The following FILIP1 variants were observed in gnomAD, a reference collection of about 807,000 sequenced individuals.
FILIP1 encodes the protein filamin A interacting protein 1, also known as filamin-A-interacting protein 1.
In FILIP1, 61 loss-of-function variants were observed where a neutral mutation model predicts 102.1. That is an observed-to-expected ratio of 0.60 (90% CI 0.49 to 0.74). The LOEUF (loss-of-function observed/expected upper bound fraction) is 0.74. Among genes scored for constraint, FILIP1 ranks in the 30% least tolerant of loss-of-function variants. FILIP1 has a pLI of 0.00. For missense variants in FILIP1, 1,314 were observed against 1,441.2 expected (o/e 0.91, Z 1.43); for synonymous variants, 491 against 526.9 (o/e 0.93, Z 0.93).
intron 4 of FILIP1, among the ~76,000 whole-genome samples, chr6:75,337,401 T>C (rs1264028700): frequency 9.9e-5 from 15 of 152,140 alleles, no homozygotes; most frequent in East Asian, 1.9e-4. Flanking sequence ...CTTTTTCAAA[T>C]TGATAAGGAA....
In FILIP1 at chr6:75,312,799, C is replaced by T. The variant is rs781567238; in HGVS notation, c.3033G>A (p.Thr1011=). ...CAGCTGGTGCTGCTGATGTAGACAC[C>T]GTCATTATCTGAATAGGGGATGTGG... ...DRPTSPIQIM[T]VSTSAAPAEI... Residue 1011 remains threonine, a synonymous_variant, in exon 5 of 6, where the codon ACG becomes ACA. Transcript: ENST00000237172. 37 of 1,614,014 alleles carry T rather than the reference C, an allele frequency of 2.3e-5. No homozygotes were observed. In the South Asian group the frequency reaches 3.2e-4, roughly 14 times the overall value.
exon 7 of FILIP1, chr6:75,293,807 T>C (rs1772600175): frequency 6.6e-6 from 1 of 152,156 alleles, no homozygotes; most frequent in Admixed American, 6.5e-5. Context: ...CCATCAGAGG[T>C]ACAAACATTG....
chr6:75,313,400 C>G lies in FILIP1; in HGVS notation c.2432G>C (p.Ser811Thr). 1 of 1,614,204 alleles carries G rather than the reference C, an allele frequency of 6.2e-7. No individual in the cohort carries two copies. Among genetic ancestry groups the G allele is most frequent in the Non-Finnish European group, 8.5e-7 (1 of 1,180,040 alleles). ...CGTTTCTTCCTCTGCTGCTTCACCG[C>G]TGACTGCATCAGTTTGGACTCCAGT... ...TSTGVQTDAV[S>T]GEAAEEETPA... The change falls in exon 5 of 6, where the codon AGC (serine) becomes ACC (threonine). Residue 811 changes from serine (S) to threonine (T), a missense_variant. By Grantham distance (58) the Ser-to-Thr change is moderately conservative. Coordinates refer to ENST00000237172, the MANE Select transcript of FILIP1 (RefSeq NM_015687.5). The surrounding 1 kb of genome is among the most constrained non-coding windows in gnomAD (Gnocchi z 4.2).
chr6:75,326,939 G>A (rs1180092763), intron 4 of FILIP1, among the ~76,000 whole-genome samples: 1 of 152,198 alleles, frequency 6.6e-6, no homozygotes, highest in Non-Finnish European at 1.5e-5. Context: ...TCAATGGCAA[G>A]ATGACCCCAA....
intron 4 of FILIP1, among the ~76,000 whole-genome samples, chr6:75,350,336 T>C (rs1774750990): frequency 6.6e-6 from 1 of 152,134 alleles, no homozygotes; most frequent in South Asian, 2.1e-4. Flanking sequence ...CGTGAAAGTT[T>C]GGTGACATAT....
rs577822147 is a variant in FILIP1, at chr6:75,478,615, G to C, written c.-7+14799C>G. Among the ~76,000 whole-genome samples, 3 of 152,238 alleles carry C rather than the reference G, an allele frequency of 2.0e-5. No individual in the cohort carries two copies. The South Asian group carries it at 6.2e-4, about 32-fold the overall frequency. On this transcript the variant is annotated intron_variant, in intron 1 of 5. Coordinates refer to ENST00000237172, the MANE Select transcript of FILIP1 (RefSeq NM_015687.5). ...TACAACAGGTATCTTGGGAAATAAC[G>C]CAAGACAGGTGGTGTTCTGGATTCT...
At chr6:75,315,577 T>C (rs986790824) in intron 4 of FILIP1, among the ~76,000 whole-genome samples, 16 of 152,262 alleles carry the variant, frequency 1.1e-4, no homozygotes, top group African/African-American at 2.4e-5. Context: ...GGTTGTGCAA[T>C]AATAATGACT....
At chr6:75,376,241 G>A (rs1280632168) in intron 2 of FILIP1, among the ~76,000 whole-genome samples, 3 of 152,134 alleles carry the variant, frequency 2.0e-5, no homozygotes, top group Non-Finnish European at 4.4e-5. Flanking sequence ...CTACTCAAGA[G>A]ATGCAATGTG....
rs747420209 is a variant in FILIP1, at chr6:75,312,517, G to A, written c.3315C>T (p.Thr1105=). ...TCCTGGGAGAGCGAAGGACAGTGCC[G>A]GTGGAAACCTCCTTTTCGGCTGTCA... ...VNVTAEKEVS[T]GTVLRSPRNH... Residue 1105 remains threonine, a synonymous_variant, in exon 5 of 6, where the codon ACC becomes ACT. Coordinates refer to ENST00000237172, the MANE Select transcript of FILIP1 (RefSeq NM_015687.5). 54 of 1,614,042 alleles carry A rather than the reference G, an allele frequency of 3.3e-5. 1 individual carries two copies. In the Middle Eastern group the frequency reaches 6.6e-4, roughly 20 times the overall value.
chr6:75,472,919 T>C (rs766220709), intron 1 of FILIP1, among the ~76,000 whole-genome samples: 4 of 152,200 alleles, frequency 2.6e-5, no homozygotes, highest in African/African-American at 7.2e-5. Context: ...CTCATAAAGA[T>C]TGAAAGAAAC....
At chr6:75,440,945 CAA>C (rs200327100) in intron 1 of FILIP1, among the ~76,000 whole-genome samples, 5 of 60,702 alleles carry the variant, frequency 8.2e-5, no homozygotes, top group Non-Finnish European at 1.4e-4. Flanking sequence ...AGCGACGTCT[CAA>C]AAAAAAAAAA....
At chr6:75,304,336 C>T (rs566068173), downstream of FILIP1, among the ~76,000 whole-genome samples, 7 of 152,214 alleles carry the variant, frequency 4.6e-5, no homozygotes, top group African/African-American at 1.4e-4. Context: ...CTCAGCTTCC[C>T]GAGTAGCTGG....
intron 1 of FILIP1, among the ~76,000 whole-genome samples, chr6:75,472,686 C>A (rs1779366876): frequency 6.6e-6 from 1 of 152,026 alleles, no homozygotes; most frequent in Non-Finnish European, 1.5e-5. Flanking sequence ...ACTAATTTTT[C>A]TTTTTCTATT....
At chr6:75,462,571 C>T (rs1305621183) in intron 1 of FILIP1, among the ~76,000 whole-genome samples, 1 of 152,054 alleles carries the variant, frequency 6.6e-6, no homozygotes, top group Non-Finnish European at 1.5e-5. Flanking sequence ...AATTAAATCT[C>T]ATATATGTGT....
intron 4 of FILIP1, among the ~76,000 whole-genome samples, chr6:75,342,592 G>T (rs1774450342): frequency 1.3e-5 from 2 of 152,196 alleles, no homozygotes; most frequent in South Asian, 4.1e-4. Context: ...TCATTCTAGG[G>T]CTTCAAGCCC....
chr6:75,427,066 C>A (rs1582487750), intron 1 of FILIP1, among the ~76,000 whole-genome samples: 1 of 152,084 alleles, frequency 6.6e-6, no homozygotes, highest in East Asian at 1.9e-4. Flanking sequence ...TGTGTGATAC[C>A]CCAAGATATA....
chr6:75,322,393 T>C (rs145223532), intron 4 of FILIP1, among the ~76,000 whole-genome samples: 33 of 152,290 alleles, frequency 2.2e-4, no homozygotes, highest in African/African-American at 7.5e-4. Context: ...TCTTCTCCGC[T>C]CACCTTCCCA....
At chr6:75,385,925 G>A (rs967953401) in intron 2 of FILIP1, among the ~76,000 whole-genome samples, 13 of 151,316 alleles carry the variant, frequency 8.6e-5, no homozygotes, top group Admixed American at 2.6e-4. Context: ...AATCTTTGCC[G>A]TACTAGCTTG....
chr6:75,314,123 CTT>C lies in FILIP1; in HGVS notation c.1707_1708del (p.Glu571LysfsTer3). ...TTTGCCTATCAACTCATCTCTTTCT[CTT>C]GTCAAGTTGTATACTTTTTCCTCCA... On this transcript the variant is annotated frameshift_variant, in exon 5 of 6. Transcript: ENST00000237172. LOFTEE classifies it high-confidence loss of function. 1.3e-6 allele frequency: 2 copies of C among 1,513,260 alleles called. No homozygotes were observed. The allele number at this position is 1,513,260 out of a possible 1,614,324, so 93.7% of individuals were successfully genotyped here.
Sources: gnomAD v4.1 joint callset for allele counts (sites outside exome capture counted in the v4.1 genomes callset) on GRCh38, gnomAD v4.1.1 for gene constraint, Gnocchi (gnomAD v3.1) non-coding constraint, MANE v1.5 for transcripts, NCBI Gene and HGNC (gene_info 2026-07-23, HGNC 2026-07-21) for gene names.